The following PIK3CB variants were observed in gnomAD, a reference collection of about 807,000 sequenced individuals.
The protein encoded by PIK3CB is phosphatidylinositol 4,5-bisphosphate 3-kinase catalytic subunit beta isoform.
Under a neutral mutation model 136.8 loss-of-function variants are expected in PIK3CB, and 39 were observed. The observed-to-expected ratio is 0.29, with a 90% CI of 0.22 to 0.37. The LOEUF (loss-of-function observed/expected upper bound fraction) is 0.37, where lower values mean the gene tolerates loss of function less well. Ranked by LOEUF, PIK3CB falls within the 10% of genes least tolerant of loss-of-function variation. PIK3CB has a pLI of 1.00. For missense variants in PIK3CB, 868 were observed against 1,275.4 expected (o/e 0.68, Z 4.87); for synonymous variants, 428 against 436.6 (o/e 0.98, Z 0.25).
At chr3:138,730,190 T>C (rs957690045) in intron 8 of PIK3CB, among the ~76,000 whole-genome samples, 4 of 152,172 alleles carry the variant, frequency 2.6e-5, no homozygotes, top group Non-Finnish European at 4.4e-5. Flanking sequence ...CTACCTGTCA[T>C]TAAGCCCATT....
intron 4 of PIK3CB, among the ~76,000 whole-genome samples, chr3:138,748,620 G>C (rs1404681676): frequency 6.6e-6 from 1 of 152,106 alleles, no homozygotes; most frequent in East Asian, 1.9e-4. Flanking sequence ...ATACATCCAT[G>C]TATCATTATA....
At chr3:138,711,720 T>C (rs2044504607) in intron 10 of PIK3CB, among the ~76,000 whole-genome samples, 1 of 151,784 alleles carries the variant, frequency 6.6e-6, no homozygotes, top group Non-Finnish European at 1.5e-5. Flanking sequence ...CAATCTCTAA[T>C]GAGCTAAATG....
rs115851298 is a variant in PIK3CB at position 138,832,375 on chromosome 3, C to T, written c.-122+2320G>A. ...TAAGTCATTTTGGCTTTAGTGAATA[C>T]AATTCCAGTTTAAACCTTTAAGATT... is the stretch of plus-strand genomic sequence containing the variant. On this transcript the variant is annotated intron_variant, in intron 1 of 23. Transcript: ENST00000674063. Among the ~76,000 whole-genome samples, 821 of 152,112 alleles carry T rather than the reference C, an allele frequency of 5.4e-3. 7 individuals are homozygous for T. The highest frequency in any genetic ancestry group is 0.019 in the African/African-American group (771 of 41,494).
At chr3:138,657,556 T>A (rs912290959) in intron 22 of PIK3CB, 134 bp downstream of exon 22, 4 of 698,934 alleles carry the variant, frequency 5.7e-6, no homozygotes, top group Admixed American at 3.5e-5. Context: ...ACAGGCAAAT[T>A]CCCCCAAAAG....
chr3:138,700,865 T>C (rs7622264), intron 12 of PIK3CB, among the ~76,000 whole-genome samples: 4,609 of 152,288 alleles, frequency 0.03, 236 homozygotes, highest in African/African-American at 0.11. Context: ...GGAAGATGTA[T>C]TAGTGAATGC....
At chr3:138,793,784 C>T (rs368280394) in intron 2 of PIK3CB, among the ~76,000 whole-genome samples, 1 of 151,946 alleles carries the variant, frequency 6.6e-6, no homozygotes, top group Non-Finnish European at 1.5e-5. Flanking sequence ...CTTTGGGAGG[C>T]CAAGGCAGGA....
intron 1 of PIK3CB, among the ~76,000 whole-genome samples, chr3:138,809,754 G>A (rs2046273514): frequency 6.6e-6 from 1 of 152,094 alleles, no homozygotes; most frequent in Admixed American, 6.6e-5. Flanking sequence ...CACAGACATA[G>A]TTAAGTATGG....
At chr3:138,815,833 T>C (rs773477045) in intron 1 of PIK3CB, among the ~76,000 whole-genome samples, 20 of 152,174 alleles carry the variant, frequency 1.3e-4, no homozygotes, top group Non-Finnish European at 2.4e-4. Flanking sequence ...AAACCAATCC[T>C]TCACAGATAC....
At chr3:138,703,550 T>C (rs975467154) in intron 12 of PIK3CB, among the ~76,000 whole-genome samples, 3 of 150,778 alleles carry the variant, frequency 2.0e-5, no homozygotes. Flanking sequence ...GTATACATAT[T>C]TATATATATA....
At chr3:138,765,839 G>A (rs2045726114) in intron 2 of PIK3CB, among the ~76,000 whole-genome samples, 1 of 152,178 alleles carries the variant, frequency 6.6e-6, no homozygotes, top group South Asian at 2.1e-4. Context: ...GGGCAACAGA[G>A]TGAGACGGAA....
At chr3:138,782,411 TAAGG>T (rs2045932412) in intron 2 of PIK3CB, among the ~76,000 whole-genome samples, 1 of 152,256 alleles carries the variant, frequency 6.6e-6, no homozygotes, top group African/African-American at 2.4e-5. Context: ...ATTTAATCAC[TAAGG>T]AAGAAGGGTG....
intron 1 of PIK3CB, among the ~76,000 whole-genome samples, chr3:138,815,132 T>C (rs1350000958): frequency 9.3e-5 from 7 of 74,876 alleles, no homozygotes; most frequent in African/African-American, 1.7e-4. Flanking sequence ...AGAGCGAGAC[T>C]CCGTCTCAAA....
chr3:138,814,338 T>TGTG (rs1320054895), intron 1 of PIK3CB, among the ~76,000 whole-genome samples: 6 of 151,814 alleles, frequency 4.0e-5, no homozygotes, highest in Admixed American at 2.0e-4. Flanking sequence ...ATTAGCCAGG[T>TGTG]GTGGTGGTGG....
intron 2 of PIK3CB, among the ~76,000 whole-genome samples, chr3:138,762,656 T>TCCTTGGGGG (rs2045678027): frequency 6.6e-6 from 1 of 152,094 alleles, no homozygotes; most frequent in Non-Finnish European, 1.5e-5. Context: ...TGTATTAACT[T>TCCTTGGGGG]ATAAAGACCA....
intron 8 of PIK3CB, among the ~76,000 whole-genome samples, chr3:138,714,922 G>A (rs901801878): frequency 5.3e-5 from 8 of 152,130 alleles, no homozygotes; most frequent in Admixed American, 1.3e-4. Flanking sequence ...CCAGTATATC[G>A]TTCAGTAAAC....
chr3:138,823,239 A>G (rs1933638506), intron 1 of PIK3CB, among the ~76,000 whole-genome samples: 1 of 152,044 alleles, frequency 6.6e-6, no homozygotes, highest in South Asian at 2.1e-4. Flanking sequence ...TGGGCAACAC[A>G]GCAAGTCCCC....
In PIK3CB at chr3:138,656,236, C is replaced by T. The variant is rs2108386038; in HGVS notation, c.2981G>A (p.Arg994Gln). 2.5e-6 allele frequency: 4 copies of T among 1,614,112 alleles called. No homozygotes were observed. Among genetic ancestry groups the T allele is most frequent in the Non-Finnish European group, 2.5e-6 (3 of 1,180,008 alleles). ...AGTGATGAAGAGATTCCCATGCCGTCGTAAAATCAGATATGCATCCTCACA... is the reference window on the plus strand; with the variant it reads ...AGTGATGAAGAGATTCCCATGCCGTTGTAAAATCAGATATGCATCCTCACA... ...QCCEDAYLIL[R>Q]RHGNLFITLF... Residue 994 changes from arginine to glutamine, a missense_variant, in exon 23 of 24, where the codon CGA becomes CAA. Around this residue, in one of 4 missense-constraint regions of PIK3CB, gnomAD observed 88 missense variants for 147.8 expected, o/e 0.60. Transcript: ENST00000674063.
At chr3:138,828,922 G>T (rs1328794293) in intron 1 of PIK3CB, among the ~76,000 whole-genome samples, 1 of 151,536 alleles carries the variant, frequency 6.6e-6, no homozygotes, top group Non-Finnish European at 1.5e-5. Context: ...AGAATAGCTG[G>T]GATTACAGGC....
At chr3:138,824,833 A>G (rs915293810) in intron 1 of PIK3CB, among the ~76,000 whole-genome samples, 19 of 149,526 alleles carry the variant, frequency 1.3e-4, no homozygotes, top group African/African-American at 4.7e-4. Context: ...AAATCACCTG[A>G]GCTCAGGAGT....
Sources: gnomAD v4.1 joint callset for allele counts (sites outside exome capture counted in the v4.1 genomes callset) on GRCh38, gnomAD v4.1.1 for gene constraint, gnomAD v4.1.1 regional missense constraint, MANE v1.5 for transcripts, NCBI Gene and HGNC (gene_info 2026-07-23, HGNC 2026-07-21) for gene names.